The following SLC1A2 variants were observed in gnomAD, a reference collection of about 807,000 sequenced individuals.
SLC1A2 encodes the protein excitatory amino acid transporter 2.
In SLC1A2, 15 loss-of-function variants were observed where a neutral mutation model predicts 48.8. The observed-to-expected ratio is 0.31, with a 90% confidence interval of 0.21 to 0.47. SLC1A2 has a LOEUF of 0.47. Among genes scored for constraint, SLC1A2 ranks in the 20% least tolerant of loss-of-function variants. The probability of loss-of-function intolerance (pLI) is 0.99; values close to 1 mark genes in which losing one functional copy is unlikely to be tolerated. For missense variants in SLC1A2, 502 were observed against 730.5 expected, an observed-to-expected ratio of 0.69 and a Z score of 3.61; for synonymous variants, 279 against 272.6, an observed-to-expected ratio of 1.02 and a Z score of -0.23.
At position 35,354,898 on chromosome 11, in the gene SLC1A2, A is replaced by G. The variant is rs150195492; in HGVS notation, c.18-37382T>C. Among the ~76,000 whole-genome samples the G allele has an allele frequency of 9.0e-3, 1,367 of 152,296 alleles. 12 individuals carry two copies. Among genetic ancestry groups the G allele is most frequent in the African/African-American group, 0.031 (1,308 of 41,550 alleles). Reference sequence around the variant, plus strand: ...ACATGACACATCTTCCACGAACAGCAAAATCTTCCTGAATTTCCTCCGTTC... The same window carrying G: ...ACATGACACATCTTCCACGAACAGCGAAATCTTCCTGAATTTCCTCCGTTC... On this transcript the variant is annotated intron_variant, in intron 1 of 10. Transcript: ENST00000278379.
Position 35,254,849 on chromosome 11 carries a change from A to G in SLC1A2, c.*6045T>C, listed in dbSNP as rs768671013. On this transcript the variant is annotated 3_prime_UTR_variant, in exon 11 of 11. Coordinates refer to ENST00000278379, the MANE Select transcript of SLC1A2 (RefSeq NM_004171.4). ...AAGGATTTTGTAAAATATCAAAATGAATATTTGGCCTGGAGGTTGGAAAGT... is the reference window on the plus strand; with the variant it reads ...AAGGATTTTGTAAAATATCAAAATGGATATTTGGCCTGGAGGTTGGAAAGT... 1 of 454,394 alleles carries G rather than the reference A, an allele frequency of 2.2e-6. No individual in the cohort carries two copies. Among genetic ancestry groups the G allele is most frequent in the South Asian group, 1.6e-5 (1 of 64,154 alleles). 28.1% of individuals were successfully genotyped at this position (454,394 alleles called of 1,614,324 possible). A position where few individuals can be genotyped will look rare whatever the true frequency, so the allele number is the denominator to read the frequency against.
chr11:35,381,323 C>T (rs898977818), intron 1 of SLC1A2, among the ~76,000 whole-genome samples: 5 of 152,244 alleles, frequency 3.3e-5, no homozygotes, highest in African/African-American at 1.2e-4. Flanking sequence ...AGAAAAGAGG[C>T]ACTTTCCATT....
intron 1 of SLC1A2, among the ~76,000 whole-genome samples, chr11:35,353,507 G>A (rs1360311610): frequency 6.6e-6 from 1 of 152,160 alleles, no homozygotes; most frequent in African/African-American, 2.4e-5. Flanking sequence ...ATTGGAACTT[G>A]TTTCCTCACT....
At chr11:35,342,809 T>C (rs1446816569) in intron 1 of SLC1A2, among the ~76,000 whole-genome samples, 1 of 150,268 alleles carries the variant, frequency 6.7e-6, no homozygotes, top group Non-Finnish European at 1.5e-5. Context: ...ATTAAAAAAA[T>C]AAAATGAAAT....
intron 1 of SLC1A2, among the ~76,000 whole-genome samples, chr11:35,338,632 C>G (rs1041984373): frequency 7.2e-5 from 11 of 152,086 alleles, no homozygotes; most frequent in African/African-American, 2.7e-4. Context: ...GAATGACCTG[C>G]CTTTGTTTGA....
chr11:35,386,597 T>C (rs1273654789), intron 1 of SLC1A2, among the ~76,000 whole-genome samples: 5 of 152,256 alleles, frequency 3.3e-5, no homozygotes, highest in Non-Finnish European at 5.9e-5. Context: ...TTTAAAAGGT[T>C]GTATTTTGAA....
intron 4 of SLC1A2, among the ~76,000 whole-genome samples, chr11:35,311,969 A>G (rs1208369944): frequency 6.8e-6 from 1 of 146,308 alleles, no homozygotes; most frequent in Non-Finnish European, 1.5e-5. Context: ...CCACAGCAAA[A>G]ATATATTAAG....
intron 1 of SLC1A2, among the ~76,000 whole-genome samples, chr11:35,356,356 T>C (rs1853461824): frequency 6.6e-6 from 1 of 152,196 alleles, no homozygotes; most frequent in Admixed American, 6.5e-5. Context: ...CTTGACCTCA[T>C]TGGTGTCCCG....
chr11:35,301,179 A>G (rs1188907385), intron 6 of SLC1A2, among the ~76,000 whole-genome samples: 2 of 152,202 alleles, frequency 1.3e-5, no homozygotes, highest in Non-Finnish European at 2.9e-5. Flanking sequence ...CTCCAGAACC[A>G]TAAGAAAGAA....
At chr11:35,405,418 ATT>A (rs60103066) in intron 1 of SLC1A2, among the ~76,000 whole-genome samples, 6,124 of 146,046 alleles carry the variant, frequency 0.042, 128 homozygotes, top group African/African-American at 0.064. Context: ...CAAGCCCTGG[ATT>A]TTTTTTTTTT....
chr11:35,292,752 G>A (rs7937731), intron 6 of SLC1A2, among the ~76,000 whole-genome samples: 2 of 152,108 alleles, frequency 1.3e-5, no homozygotes, highest in Non-Finnish European at 2.9e-5. Flanking sequence ...CAAATTTTGT[G>A]GCTAAGGTGA....
chr11:35,398,855 C>T (rs1193989114), intron 1 of SLC1A2, among the ~76,000 whole-genome samples: 1 of 152,262 alleles, frequency 6.6e-6, no homozygotes, highest in African/African-American at 2.4e-5. Context: ...AAAGTCGTAC[C>T]GCTGCCCAAC....
chr11:35,347,687 G>A lies in SLC1A2; in HGVS notation c.18-30171C>T, dbSNP rs545851383. ...TTAGAGCAGCAGTTGTATTTACCTC[G>A]GTGCCAGGCCCTGAGCCAGGCAGGC... On this transcript the variant is annotated intron_variant, in intron 1 of 10. Transcript: ENST00000278379. Among the ~76,000 whole-genome samples, 10 of 152,190 alleles carry A rather than the reference G, an allele frequency of 6.6e-5. No individual in the cohort carries two copies. In the South Asian group the frequency reaches 1.0e-3, roughly 16 times the overall value.
intron 1 of SLC1A2, among the ~76,000 whole-genome samples, chr11:35,380,199 C>T (rs1047753872): frequency 5.3e-5 from 8 of 152,188 alleles, no homozygotes; most frequent in African/African-American, 1.9e-4. Flanking sequence ...AGATGCACAG[C>T]ATGCAATGCC....
At chr11:35,326,528 T>C (rs1852258729) in intron 1 of SLC1A2, among the ~76,000 whole-genome samples, 1 of 152,222 alleles carries the variant, frequency 6.6e-6, no homozygotes, top group South Asian at 2.1e-4. Flanking sequence ...GCTGTATACC[T>C]TAGCCAGGAC....
At chr11:35,339,441 G>A (rs1852755261) in intron 1 of SLC1A2, among the ~76,000 whole-genome samples, 1 of 152,144 alleles carries the variant, frequency 6.6e-6, no homozygotes, top group Non-Finnish European at 1.5e-5. Context: ...TGCAGTGCAG[G>A]GTATGGAAAC....
chr11:35,415,418 C>T (rs77484066), intron 1 of SLC1A2, among the ~76,000 whole-genome samples: 1 of 152,224 alleles, frequency 6.6e-6, no homozygotes, highest in Non-Finnish European at 1.5e-5. Flanking sequence ...CTACTAATAT[C>T]TATTTTCCCC....
Position 35,265,285 on chromosome 11 carries a change from T to C in SLC1A2, c.1653+242A>G. 5.5e-6 allele frequency: 3 copies of C among 549,524 alleles called. No individual in the cohort carries two copies. In the South Asian group the frequency reaches 8.1e-5, roughly 15 times the overall value. 34.0% of individuals were successfully genotyped at this position (549,524 alleles called of 1,614,324 possible). On this transcript the variant is annotated intron_variant, in intron 10 of 10. Transcript: ENST00000278379. Reference sequence around the variant, plus strand: ...TAGATAGGGGAACCCGAATGGTTGTTTCACATCACATGGACGAAATAAGCA... The same window carrying C: ...TAGATAGGGGAACCCGAATGGTTGTCTCACATCACATGGACGAAATAAGCA...
chr11:35,339,328 C>T (rs184712475), intron 1 of SLC1A2, among the ~76,000 whole-genome samples: 7 of 152,310 alleles, frequency 4.6e-5, no homozygotes, highest in Non-Finnish European at 1.0e-4. Flanking sequence ...ACAGATTTTG[C>T]TGAAGAAGAG....
Sources: gnomAD v4.1 joint callset for allele counts (sites outside exome capture counted in the v4.1 genomes callset) on GRCh38, gnomAD v4.1.1 for gene constraint, MANE v1.5 for transcripts, NCBI Gene and HGNC (gene_info 2026-07-23, HGNC 2026-07-21) for gene names.